Variants in ABI3BP observed in about 807,000 individuals in gnomAD.
The protein encoded by ABI3BP is target of Nesh-SH3.
Under a neutral mutation model 268.6 loss-of-function variants are expected in ABI3BP, and 216 were observed. The ratio of observed to expected loss-of-function variants is 0.80; its 90% CI spans 0.72 to 0.90. ABI3BP has a LOEUF of 0.90. ABI3BP is among the 40% of genes least tolerant of loss of function. The pLI is 0.00. For synonymous variants in ABI3BP, 730 were observed against 730.0 expected (o/e 1.00, Z 0.00); for missense variants, 2,090 against 2,182.4 (o/e 0.96, Z 0.84).
chr3:100,946,269 G>C (rs2072212785), intron 1 of ABI3BP, among the ~76,000 whole-genome samples: 1 of 151,450 alleles, frequency 6.6e-6, no homozygotes, highest in South Asian at 2.1e-4. Context: ...TACTCAGGAA[G>C]CTGAGGCAGG....
At chr3:100,986,145 T>G in intron 1 of ABI3BP, among the ~76,000 whole-genome samples, 1 of 152,146 alleles carries the variant, frequency 6.6e-6, no homozygotes, top group African/African-American at 2.4e-5. Flanking sequence ...GTGGCCATAA[T>G]AGAAAGGCCT....
At chr3:100,828,256 T>C in intron 34 of ABI3BP, 137 bp downstream of exon 34, 1 of 697,714 alleles carries the variant, frequency 1.4e-6, no homozygotes, top group Non-Finnish European at 2.4e-6. Context: ...GTAGCTCTCT[T>C]ATGAGCAAGA....
intron 57 of ABI3BP, among the ~76,000 whole-genome samples, chr3:100,783,881 T>C (rs1019016319): frequency 2.0e-5 from 3 of 152,216 alleles, no homozygotes; most frequent in African/African-American, 4.8e-5. Context: ...TGGCCTGGTG[T>C]GTGCATGGCT....
intron 61 of ABI3BP, among the ~76,000 whole-genome samples, chr3:100,773,915 C>G (rs545855854): frequency 6.6e-6 from 1 of 152,058 alleles, no homozygotes; most frequent in Admixed American, 6.5e-5. Flanking sequence ...AGGCCTGTTG[C>G]CACGTAGGCA....
intron 2 of ABI3BP, among the ~76,000 whole-genome samples, chr3:100,915,807 G>A (rs1321432228): frequency 6.6e-6 from 1 of 152,104 alleles, no homozygotes; most frequent in Non-Finnish European, 1.5e-5. Context: ...TGACCACAAC[G>A]CTGGGGTTCC....
At chr3:100,910,847 A>C (rs2056124835) in intron 2 of ABI3BP, 1 of 152,542 alleles carries the variant, frequency 6.6e-6, no homozygotes, top group Non-Finnish European at 1.5e-5. Context: ...TATAGTAAAA[A>C]CAAATGAATT....
At position 100,749,744 on chromosome 3, in the gene ABI3BP, A is replaced by C. The variant is rs2095221587; in HGVS notation, c.*751T>G. On this transcript the variant is annotated 3_prime_UTR_variant, in exon 68 of 68. Transcript: ENST00000471714. ...GAATCATAAAAACAATATGAAGACGATTGCATAAAGGGATAGTTTGACAAA... is the reference window on the plus strand; with the variant it reads ...GAATCATAAAAACAATATGAAGACGCTTGCATAAAGGGATAGTTTGACAAA... 2.5e-6 allele frequency: 1 copy of C among 398,326 alleles called. No homozygotes were observed. Among genetic ancestry groups the C allele is most frequent in the African/African-American group, 2.1e-5 (1 of 48,608 alleles). 24.7% of individuals were successfully genotyped at this position (398,326 alleles called of 1,614,324 possible). A position where few individuals can be genotyped will look rare whatever the true frequency, so the allele number is the denominator to read the frequency against.
At chr3:100,960,650 G>A (rs2078704441) in intron 1 of ABI3BP, among the ~76,000 whole-genome samples, 1 of 152,184 alleles carries the variant, frequency 6.6e-6, no homozygotes, top group Non-Finnish European at 1.5e-5. Flanking sequence ...GAAGCAGAAA[G>A]GACGTCAGAG....
In ABI3BP at chr3:100,850,093, G is replaced by A; in HGVS notation, c.1453C>T (p.Gln485Ter). ...LAPSETPFVPQKLEIFTSPEM... is the reference protein window; with the variant it reads ...LAPSETPFVP ...GGACTGGTAAAGATTTCCAGTTTTT[G>A]AGGAACAAATGGTGTTTCACTTGGA... The change falls in exon 17 of 68, where the codon CAA becomes TAA. Residue 485 changes from glutamine to a stop codon, truncating the protein, a stop_gained. Transcript: ENST00000471714. LOFTEE classifies it high-confidence loss of function. The A allele has an allele frequency of 6.2e-7, 1 of 1,610,636 alleles. No homozygotes were observed. The highest frequency in any genetic ancestry group is 1.3e-5 in the African/African-American group (1 of 75,034).
intron 14 of ABI3BP, among the ~76,000 whole-genome samples, chr3:100,857,733 T>C (rs1166687517): frequency 6.6e-6 from 1 of 152,208 alleles, no homozygotes; most frequent in South Asian, 2.1e-4. Flanking sequence ...ATGAGCCTAA[T>C]TTTTCCCCCC....
chr3:100,818,626 A>G, intron 40 of ABI3BP, 45 bp from the exon 41 acceptor site: 1 of 1,399,310 alleles, frequency 7.1e-7, no homozygotes, highest in Non-Finnish European at 9.8e-7. Context: ...CCAGTAAATT[A>G]TATCTTTCCA....
In ABI3BP at chr3:100,829,370, A is replaced by G. The variant is rs184101559; in HGVS notation, c.2542+211T>C. 1.4e-4 allele frequency among the ~76,000 whole-genome samples: 21 copies of G among 152,260 alleles called. No individual in the cohort carries two copies. In the East Asian group the frequency reaches 3.7e-3, roughly 27 times the overall value. On this transcript the variant is annotated intron_variant, in intron 33 of 67. Coordinates refer to ENST00000471714, the MANE Select transcript of ABI3BP (RefSeq NM_001375547.2). Reference sequence around the variant, plus strand: ...TCACTTTATCATATATTCAACATTGAAAGGATGAAGAGAATTGAATGAGAA... The same window carrying G: ...TCACTTTATCATATATTCAACATTGGAAGGATGAAGAGAATTGAATGAGAA...
rs5851232 is a variant in ABI3BP at position 100,876,825 on chromosome 3, C to CA, written c.697-266dup. On this transcript the variant is annotated intron_variant, in intron 6 of 67. Transcript: ENST00000471714. Reference sequence around the variant, plus strand: ...TAAAACCCCATCTCTACTAAAAATACAAAAAAAAAAAAATTAGTTGGGCAT... The same window carrying CA: ...TAAAACCCCATCTCTACTAAAAATACAAAAAAAAAAAAAATTAGTTGGGCAT... 1.8e-3 allele frequency among the ~76,000 whole-genome samples: 260 copies of CA among 147,380 alleles called. 1 individual carries two copies. Among genetic ancestry groups the CA allele is most frequent in the African/African-American group, 5.4e-3 (216 of 39,802 alleles).
rs755932279 is a variant in ABI3BP, at chr3:100,846,414, G to A, written c.1681C>T (p.Pro561Ser). 2 of 1,601,912 alleles carry A rather than the reference G, an allele frequency of 1.2e-6. No individual in the cohort carries two copies. Among genetic ancestry groups the A allele is most frequent in the East Asian group, 4.5e-5 (2 of 44,568 alleles). The change falls in exon 20 of 68, where the codon CCT becomes TCT. Residue 561 changes from proline to serine, a missense_variant. Transcript: ENST00000471714. ...PGKTQFISLK[P>S]KIPLSPEVTH... The stretch of plus-strand genomic sequence containing the variant: ...ACTTCTGGGCTGAGAGGGATTTTAG[G>A]TTTCAGAGAAATAAATTGTGTTTTA...
chr3:100,946,132 A>C (rs2072098759), intron 1 of ABI3BP, among the ~76,000 whole-genome samples: 2 of 152,120 alleles, frequency 1.3e-5, no homozygotes, highest in African/African-American at 2.4e-5. Context: ...GCACTTTGGG[A>C]GGACAAGGTG....
At chr3:100,837,382 T>C in intron 26 of ABI3BP, 2 of 455,286 alleles carry the variant, frequency 4.4e-6, no homozygotes, top group East Asian at 7.1e-5. Context: ...AAATTTCAAC[T>C]GCAAAACAGT....
At chr3:100,970,576 A>C (rs1323880179) in intron 1 of ABI3BP, among the ~76,000 whole-genome samples, 2 of 152,176 alleles carry the variant, frequency 1.3e-5, no homozygotes, top group Non-Finnish European at 2.9e-5. Flanking sequence ...ATCGCTCTAG[A>C]GAGTCCCAGA....
chr3:100,840,974 G>A, intron 21 of ABI3BP, 116 bp from the exon 22 acceptor site: 1 of 799,338 alleles, frequency 1.3e-6, no homozygotes, highest in Non-Finnish European at 1.9e-6. Flanking sequence ...AATATAAATG[G>A]TGAAGCTTTT....
intron 26 of ABI3BP, 187 bp from the exon 27 acceptor site, chr3:100,837,358 G>A: frequency 2.2e-6 from 1 of 458,410 alleles, no homozygotes; most frequent in East Asian, 3.5e-5. Context: ...TATACTAATT[G>A]GAATCTTGGG....
Sources: gnomAD v4.1 joint callset for allele counts (sites outside exome capture counted in the v4.1 genomes callset) on GRCh38, gnomAD v4.1.1 for gene constraint, MANE v1.5 for transcripts, NCBI Gene and HGNC (gene_info 2026-07-23, HGNC 2026-07-21) for gene names.